Variants in ACSS3 observed in about 807,000 individuals in gnomAD.
The protein encoded by ACSS3 is acyl-CoA synthetase short chain family member 3, also known as acyl-CoA synthetase short-chain family member 3, mitochondrial.
Under a neutral mutation model 84.2 loss-of-function variants are expected in ACSS3, and 64 were observed. The observed-to-expected ratio is 0.76, with a 90% CI of 0.62 to 0.94. ACSS3 has a LOEUF of 0.94. ACSS3 is among the 40% of genes least tolerant of loss of function. ACSS3 has a pLI of 0.00. For synonymous variants in ACSS3, 317 were observed against 310.1 expected, an observed-to-expected ratio of 1.02 and a Z score of -0.23; for missense variants, 815 against 867.6, an observed-to-expected ratio of 0.94 and a Z score of 0.76.
At chr12:81,190,863 T>G (rs544702494) in intron 8 of ACSS3, among the ~76,000 whole-genome samples, 2 of 152,226 alleles carry the variant, frequency 1.3e-5, no homozygotes, top group African/African-American at 4.8e-5. Context: ...CCCCTCTTAT[T>G]GTATTAGGAG....
intron 9 of ACSS3, among the ~76,000 whole-genome samples, chr12:81,208,673 AC>A (rs1167934776): frequency 2.7e-5 from 4 of 150,408 alleles, no homozygotes; most frequent in Middle Eastern, 3.4e-3. Context: ...CCTTTACAAA[AC>A]CCCCCATGTC....
chr12:81,153,927 T>C lies in ACSS3; in HGVS notation c.1098+1831T>C, dbSNP rs145283555. ...TTGACACAAGTATTAAACCATCATA[T>C]ACTACTCTACACTTTTGTATCATGC... is the stretch of plus-strand genomic sequence containing the variant. On this transcript the variant is annotated intron_variant, in intron 7 of 15. Coordinates refer to ENST00000548058, the MANE Select transcript of ACSS3 (RefSeq NM_024560.4). 5.2e-3 allele frequency among the ~76,000 whole-genome samples: 789 copies of C among 152,366 alleles called. 5 individuals carry two copies. Among genetic ancestry groups the C allele is most frequent in the Middle Eastern group, 0.01 (3 of 294 alleles).
At chr12:81,094,827 A>C (rs541619465) in intron 1 of ACSS3, 1 of 152,344 alleles carries the variant, frequency 6.6e-6, no homozygotes, top group East Asian at 1.9e-4. Flanking sequence ...AGAAAACATT[A>C]ATTTCAATCC....
At chr12:81,120,066 T>C (rs150508665) in intron 2 of ACSS3, among the ~76,000 whole-genome samples, 1 of 133,204 alleles carries the variant, frequency 7.5e-6, no homozygotes, top group African/African-American at 2.4e-5. Flanking sequence ...GGTCAAGTAA[T>C]AAAAATAGAA....
chr12:81,168,937 T>C (rs763037673), intron 7 of ACSS3, among the ~76,000 whole-genome samples: 2 of 152,194 alleles, frequency 1.3e-5, no homozygotes, highest in Admixed American at 1.3e-4. Context: ...CGAAGGACCA[T>C]GTATCAGTTC....
At chr12:81,184,698 A>G (rs1443826135) in intron 8 of ACSS3, among the ~76,000 whole-genome samples, 1 of 151,762 alleles carries the variant, frequency 6.6e-6, no homozygotes, top group Non-Finnish European at 1.5e-5. Flanking sequence ...CTAGAAAAAT[A>G]TAAGCTACCA....
chr12:81,174,555 A>G, intron 7 of ACSS3: 1 of 367,174 alleles, frequency 2.7e-6, no homozygotes, highest in Non-Finnish European at 4.8e-6. Flanking sequence ...AACTTGATGA[A>G]GAAAAAATTG....
chr12:81,238,221 G>T (rs1043320975), intron 13 of ACSS3, among the ~76,000 whole-genome samples: 1 of 151,644 alleles, frequency 6.6e-6, no homozygotes, highest in Non-Finnish European at 1.5e-5. Flanking sequence ...CCTGGTCATG[G>T]TACATAACTC....
rs1310782157 is a variant in ACSS3 at position 81,134,921 on chromosome 12, T to C, written c.562T>C (p.Cys188Arg). ...IPQAMYTMLA[C>R]ARIGAIHSLI... Reference sequence around the variant, plus strand: ...ACAGGCGATGTATACCATGTTGGCATGTGCAAGGATAGGTGCCATCCACAG... The same window carrying C: ...ACAGGCGATGTATACCATGTTGGCACGTGCAAGGATAGGTGCCATCCACAG... The change falls in exon 3 of 16, where the codon TGT becomes CGT. Residue 188 changes from cysteine to arginine, a missense_variant. Cys to Arg is a radical substitution (Grantham distance 180). Transcript: ENST00000548058. 1 of 1,608,208 alleles carries C rather than the reference T, an allele frequency of 6.2e-7. No individual in the cohort carries two copies.
chr12:81,200,461 T>C lies in ACSS3; in HGVS notation c.1354+1017T>C, dbSNP rs180969774. On this transcript the variant is annotated intron_variant, in intron 9 of 15. Coordinates refer to ENST00000548058, the MANE Select transcript of ACSS3 (RefSeq NM_024560.4). Reference sequence around the variant, plus strand: ...AGATTACTTTGCAAAAAATTAGCTCTGATTGTAAAAATGATTTTCATGTAA... The same window carrying C: ...AGATTACTTTGCAAAAAATTAGCTCCGATTGTAAAAATGATTTTCATGTAA... Among the ~76,000 whole-genome samples, 619 of 152,340 alleles carry C rather than the reference T, an allele frequency of 4.1e-3. 4 individuals are homozygous for C. The highest frequency in any genetic ancestry group is 0.014 in the African/African-American group (584 of 41,574).
chr12:81,212,159 A>G (rs1016495661), intron 9 of ACSS3, among the ~76,000 whole-genome samples: 1 of 152,126 alleles, frequency 6.6e-6, no homozygotes, highest in Non-Finnish European at 1.5e-5. Flanking sequence ...GTTAGTATTT[A>G]TCACTCTTTT....
chr12:81,164,948 G>A (rs1209052143), intron 7 of ACSS3, among the ~76,000 whole-genome samples: 1 of 151,876 alleles, frequency 6.6e-6, no homozygotes, highest in Non-Finnish European at 1.5e-5. Context: ...TTCCCTTCAT[G>A]TAATGGGAAA....
At chr12:81,173,676 T>C (rs1273165313) in intron 7 of ACSS3, among the ~76,000 whole-genome samples, 2 of 152,140 alleles carry the variant, frequency 1.3e-5, no homozygotes, top group African/African-American at 4.8e-5. Context: ...TGTTGTTCCC[T>C]ATTTGGGGAC....
intron 7 of ACSS3, chr12:81,158,282 A>G (rs7979027): frequency 0.011 from 1,727 of 152,596 alleles, 18 homozygotes; most frequent in African/African-American, 0.02. Context: ...CAAATTCATA[A>G]AACTACCTCA....
chr12:81,205,667 C>G (rs1565719693), intron 9 of ACSS3, among the ~76,000 whole-genome samples: 1 of 151,982 alleles, frequency 6.6e-6, no homozygotes, highest in South Asian at 2.1e-4. Context: ...TCATCCTCTT[C>G]CATTGTTCCT....
chr12:81,242,171 G>A (rs1329387253), intron 13 of ACSS3, among the ~76,000 whole-genome samples: 3 of 151,980 alleles, frequency 2.0e-5, no homozygotes, highest in African/African-American at 4.8e-5. Flanking sequence ...AATGATAAAG[G>A]GGATATCACC....
chr12:81,148,047 C>A (rs1182252141), intron 5 of ACSS3, among the ~76,000 whole-genome samples: 1 of 151,194 alleles, frequency 6.6e-6, no homozygotes, highest in Non-Finnish European at 1.5e-5. Flanking sequence ...TTCTTTATTA[C>A]AAAATAAATG....
intron 7 of ACSS3, among the ~76,000 whole-genome samples, chr12:81,167,326 A>C (rs932580234): frequency 1.3e-5 from 2 of 152,204 alleles, no homozygotes; most frequent in African/African-American, 4.8e-5. Flanking sequence ...AGAAGAACCA[A>C]ACCAAAAGGA....
At chr12:81,148,028 C>T (rs1886427008) in intron 5 of ACSS3, among the ~76,000 whole-genome samples, 3 of 150,768 alleles carry the variant, frequency 2.0e-5, no homozygotes, top group African/African-American at 7.4e-5. Flanking sequence ...ATATATTTGC[C>T]TTGTATGATT....
Sources: allele counts gnomAD v4.1 joint callset (sites outside exome capture counted in the v4.1 genomes callset), GRCh38; gene constraint gnomAD v4.1.1; transcripts MANE v1.5; gene names NCBI Gene and HGNC (gene_info 2026-07-23, HGNC 2026-07-21).